The following TSPAN7 variants were observed in gnomAD, a reference collection of about 807,000 sequenced individuals.
TSPAN7 encodes the protein tetraspanin 7.
A neutral mutation model predicts 17.6 loss-of-function variants in TSPAN7; 1 was observed. The ratio of observed to expected loss-of-function variants is 0.06; its 90% confidence interval spans 0.02 to 0.27. The LOEUF is 0.27. Among genes scored for constraint, TSPAN7 ranks in the 10% least tolerant of loss-of-function variants. TSPAN7 has a pLI of 1.00. For synonymous variants in TSPAN7, 78 were observed against 79.0 expected, an observed-to-expected ratio of 0.99 and a Z score of 0.07; for missense variants, 112 against 201.7, an observed-to-expected ratio of 0.56 and a Z score of 2.69.
At chrX:38,576,224 C>T (rs767563216) in intron 1 of TSPAN7, among the ~76,000 whole-genome samples, 23 of 111,522 alleles carry the variant, frequency 2.1e-4, no homozygotes, top group Non-Finnish European at 3.6e-4. Flanking sequence ...AAGGAAAGTC[C>T]GATCCTTACC....
chrX:38,562,468 T>G (rs1013292526), intron 1 of TSPAN7, among the ~76,000 whole-genome samples: 1 of 106,776 alleles, frequency 9.4e-6, no homozygotes, highest in Non-Finnish European at 1.9e-5. Context: ...TGAAGCTCAA[T>G]GCAGAAGGGT....
At chrX:38,631,210 A>AG (rs1339281735) in intron 1 of TSPAN7, among the ~76,000 whole-genome samples, 1 of 110,573 alleles carries the variant, frequency 9.0e-6, no homozygotes, top group African/African-American at 3.3e-5. Flanking sequence ...AGGAAGTTTG[A>AG]GAAAAATGTA....
chrX:38,597,097 C>A (rs1474256780), intron 1 of TSPAN7, among the ~76,000 whole-genome samples: 1 of 111,104 alleles, frequency 9.0e-6, no homozygotes, highest in African/African-American at 3.3e-5. Flanking sequence ...ATAGTCAATT[C>A]TCATAATTTG....
intron 1 of TSPAN7, among the ~76,000 whole-genome samples, chrX:38,637,337 C>T (rs1182065966): frequency 8.9e-6 from 1 of 112,005 alleles, no homozygotes; most frequent in African/African-American, 3.3e-5. Flanking sequence ...ATATTTGCTT[C>T]CTCTAAAACT....
chrX:38,652,744 G>A (rs183881475), intron 1 of TSPAN7, among the ~76,000 whole-genome samples: 42 of 112,438 alleles, frequency 3.7e-4, no homozygotes, highest in African/African-American at 1.3e-3. Flanking sequence ...TGCCCCCAGG[G>A]TCAGTCTGTA....
chrX:38,687,172 G>A (rs756205157), intron 6 of TSPAN7, among the ~76,000 whole-genome samples: 1 of 112,116 alleles, frequency 8.9e-6, no homozygotes, highest in African/African-American at 3.2e-5. Context: ...AAATGCATGT[G>A]CTATAGATGT....
intron 6 of TSPAN7, among the ~76,000 whole-genome samples, chrX:38,685,025 T>G: frequency 8.9e-6 from 1 of 111,797 alleles, no homozygotes; most frequent in Non-Finnish European, 1.9e-5. Flanking sequence ...ACCCTATTAC[T>G]ACCCATCCAT....
At chrX:38,673,693 C>A (rs993529959) in intron 3 of TSPAN7, among the ~76,000 whole-genome samples, 1 of 110,435 alleles carries the variant, frequency 9.1e-6, no homozygotes, top group African/African-American at 3.3e-5. Flanking sequence ...AGTTCTTGTC[C>A]TTTATTATCT....
chrX:38,681,583 G>A (rs1300545205), intron 6 of TSPAN7, among the ~76,000 whole-genome samples: 1 of 112,006 alleles, frequency 8.9e-6, no homozygotes, highest in African/African-American at 3.2e-5. Flanking sequence ...GGCATAATTG[G>A]ATCATAAACA....
At chrX:38,617,915 ATTTG>A (rs1239514961) in intron 1 of TSPAN7, among the ~76,000 whole-genome samples, 4 of 111,929 alleles carry the variant, frequency 3.6e-5, no homozygotes, top group Non-Finnish European at 7.5e-5. Context: ...CATTTTTACT[ATTTG>A]TTTGTTCACA....
At chrX:38,597,172 G>A (rs1422310075) in intron 1 of TSPAN7, among the ~76,000 whole-genome samples, 3 of 111,252 alleles carry the variant, frequency 2.7e-5, no homozygotes, top group Admixed American at 9.6e-5. Context: ...CCCCCAAATC[G>A]GTACTTCTGG....
chrX:38,594,858 G>A (rs778412157), intron 1 of TSPAN7, among the ~76,000 whole-genome samples: 35 of 111,546 alleles, frequency 3.1e-4, no homozygotes, highest in Middle Eastern at 4.2e-3. Context: ...CATGCATGGA[G>A]TGGGTGGCGG....
intron 6 of TSPAN7, among the ~76,000 whole-genome samples, chrX:38,684,304 A>C (rs2069912310): frequency 1.8e-5 from 2 of 111,672 alleles, no homozygotes; most frequent in South Asian, 7.5e-4. Flanking sequence ...AGCATTAAAC[A>C]CTTCTCTCTA....
intron 1 of TSPAN7, among the ~76,000 whole-genome samples, chrX:38,572,440 A>C (rs182410294): frequency 1.8e-5 from 2 of 111,807 alleles, no homozygotes; most frequent in African/African-American, 6.5e-5. Context: ...CAGGTTTAAA[A>C]GTTGGTGCTG....
chrX:38,676,366 T>C (rs968348449), intron 5 of TSPAN7, among the ~76,000 whole-genome samples: 4 of 110,676 alleles, frequency 3.6e-5, no homozygotes, highest in African/African-American at 6.6e-5. Context: ...ACTGTCAACC[T>C]CCCGACTCCC....
At chrX:38,588,305 A>C (rs955775900) in intron 1 of TSPAN7, among the ~76,000 whole-genome samples, 14 of 111,315 alleles carry the variant, frequency 1.3e-4, no homozygotes, top group Non-Finnish European at 2.1e-4. Context: ...TGATGGCAAA[A>C]AATGAGGTAA....
At chrX:38,686,471 A>AC (rs937402139) in intron 6 of TSPAN7, among the ~76,000 whole-genome samples, 1 of 110,578 alleles carries the variant, frequency 9.0e-6, no homozygotes, top group Non-Finnish European at 1.9e-5. Context: ...ACTGGGCCCC[A>AC]CCCCCCAGCA....
chrX:38,623,618 G>A (rs1052858816), intron 1 of TSPAN7, among the ~76,000 whole-genome samples: 1 of 100,476 alleles, frequency 1.0e-5, no homozygotes, highest in Non-Finnish European at 2.0e-5. Context: ...AAAAGTGAGT[G>A]AGGGTTTTTT....
chrX:38,625,850 A>G (rs2069519388), intron 1 of TSPAN7, among the ~76,000 whole-genome samples: 2 of 112,268 alleles, frequency 1.8e-5, no homozygotes, highest in Admixed American at 9.4e-5. Context: ...TTTGTGATGT[A>G]TAAGATATAA....
Sources: gnomAD v4.1 joint callset for allele counts (sites outside exome capture counted in the v4.1 genomes callset) on GRCh38, gnomAD v4.1.1 for gene constraint, MANE v1.5 for transcripts, NCBI Gene and HGNC (gene_info 2026-07-23, HGNC 2026-07-21) for gene names.